Variants in AGBL4 observed in about 807,000 individuals in gnomAD.
The protein encoded by AGBL4 is cytosolic carboxypeptidase 6.
A neutral mutation model predicts 66.4 loss-of-function variants in AGBL4; 58 were observed. The ratio of observed to expected loss-of-function variants is 0.87; its 90% CI spans 0.71 to 1.09. The LOEUF (loss-of-function observed/expected upper bound fraction) is 1.09, where lower values mean the gene tolerates loss of function less well. Among genes scored for constraint, AGBL4 ranks in the 50% least tolerant of loss-of-function variants. The probability of loss-of-function intolerance (pLI) is 0.00; values close to 1 mark genes in which losing one functional copy is unlikely to be tolerated. For synonymous variants in AGBL4, 234 were observed against 222.9 expected, an observed-to-expected ratio of 1.05 and a Z score of -0.44; for missense variants, 579 against 631.0, an observed-to-expected ratio of 0.92 and a Z score of 0.88.
intron 7 of AGBL4, among the ~76,000 whole-genome samples, chr1:48,656,248 C>T (rs1262251198): frequency 1.3e-5 from 2 of 152,246 alleles, no homozygotes; most frequent in African/African-American, 2.4e-5. Flanking sequence ...TCTAGCCAAA[C>T]CTCAACTGAG....
At chr1:48,844,277 A>G (rs1265557595) in intron 6 of AGBL4, among the ~76,000 whole-genome samples, 1 of 152,162 alleles carries the variant, frequency 6.6e-6, no homozygotes, top group Non-Finnish European at 1.5e-5. Flanking sequence ...TTTAAAAGCT[A>G]TCCCTCAGTC....
intron 1 of AGBL4, among the ~76,000 whole-genome samples, chr1:50,020,418 G>C (rs1376462433): frequency 6.6e-6 from 1 of 152,034 alleles, no homozygotes; most frequent in Non-Finnish European, 1.5e-5. Flanking sequence ...TTTTACAAAT[G>C]AGGAAACTGA....
chr1:49,935,697 G>A (rs192529999), intron 1 of AGBL4, among the ~76,000 whole-genome samples: 15 of 152,180 alleles, frequency 9.9e-5, no homozygotes, highest in African/African-American at 2.4e-4. Flanking sequence ...GCTGTTCTAC[G>A]GCCACCGCTG....
At chr1:48,805,690 C>A in intron 6 of AGBL4, among the ~76,000 whole-genome samples, 1 of 152,250 alleles carries the variant, frequency 6.6e-6, no homozygotes, top group East Asian at 1.9e-4. Context: ...CCACAACGAA[C>A]CTCAGTTGCT....
chr1:49,001,981 T>C (rs1258845404), intron 5 of AGBL4, among the ~76,000 whole-genome samples: 2 of 152,168 alleles, frequency 1.3e-5, no homozygotes, highest in East Asian at 1.9e-4. Context: ...CACTATAGGG[T>C]TGTGGTAAAT....
intron 2 of AGBL4, among the ~76,000 whole-genome samples, chr1:49,783,776 T>C (rs1557442577): frequency 6.6e-6 from 1 of 152,028 alleles, no homozygotes; most frequent in South Asian, 2.1e-4. Context: ...ATAAAAAAAG[T>C]ATTTGAGCTA....
intron 9 of AGBL4, among the ~76,000 whole-genome samples, chr1:48,612,864 T>C (rs1267447964): frequency 1.3e-5 from 2 of 152,218 alleles, no homozygotes; most frequent in African/African-American, 4.8e-5. Context: ...CCAGGCACGA[T>C]GGCTCACGCC....
intron 3 of AGBL4, among the ~76,000 whole-genome samples, chr1:49,575,351 T>C (rs1354710180): frequency 6.6e-6 from 1 of 152,154 alleles, no homozygotes; most frequent in Non-Finnish European, 1.5e-5. Flanking sequence ...ATAGACATAC[T>C]TAGCAGCAGG....
intron 4 of AGBL4, among the ~76,000 whole-genome samples, chr1:49,190,593 G>A (rs1424135039): frequency 6.6e-6 from 1 of 151,976 alleles, no homozygotes; most frequent in African/African-American, 2.4e-5. Flanking sequence ...CCTTCACCAT[G>A]GTGGGTAATT....
chr1:49,084,249 G>C (rs1329799687), intron 4 of AGBL4, among the ~76,000 whole-genome samples: 4 of 152,126 alleles, frequency 2.6e-5, no homozygotes, highest in Non-Finnish European at 5.9e-5. Flanking sequence ...CAGTTCCAAA[G>C]TCACTTCCAC....
intron 3 of AGBL4, among the ~76,000 whole-genome samples, chr1:49,366,434 A>T (rs1644242871): frequency 6.6e-6 from 1 of 152,234 alleles, no homozygotes; most frequent in Non-Finnish European, 1.5e-5. Context: ...ATTTTGGCAG[A>T]TCAAGTAATA....
chr1:48,927,400 T>TGG (rs1449332339), intron 5 of AGBL4, among the ~76,000 whole-genome samples: 1 of 152,110 alleles, frequency 6.6e-6, no homozygotes, highest in Non-Finnish European at 1.5e-5. Flanking sequence ...GAGAAGAACA[T>TGG]GGGGAAGACC....
At chr1:49,525,117 CA>C (rs1357261512) in intron 3 of AGBL4, among the ~76,000 whole-genome samples, 2 of 151,832 alleles carry the variant, frequency 1.3e-5, no homozygotes, top group African/African-American at 4.8e-5. Flanking sequence ...TACTGAATGC[CA>C]ACTATGTGCC....
At chr1:49,786,870 A>T (rs533096787) in intron 2 of AGBL4, among the ~76,000 whole-genome samples, 45 of 152,280 alleles carry the variant, frequency 3.0e-4, no homozygotes, top group African/African-American at 1.1e-3. Context: ...TGCACTTTCT[A>T]CTTTCTACAT....
intron 2 of AGBL4, chr1:49,841,827 C>T (rs1040406025): frequency 9.7e-5 from 39 of 403,980 alleles, no homozygotes; most frequent in South Asian, 3.8e-4. Context: ...CCACCGGCAC[C>T]ACGGCCTTTG....
At chr1:49,843,892 T>C (rs1351381986) in intron 2 of AGBL4, among the ~76,000 whole-genome samples, 2 of 152,140 alleles carry the variant, frequency 1.3e-5, no homozygotes, top group Admixed American at 1.3e-4. Context: ...TGTGCAGAGA[T>C]GGCTGGGTAG....
intron 5 of AGBL4, among the ~76,000 whole-genome samples, chr1:48,985,228 G>A (rs559996700): frequency 6.6e-6 from 1 of 152,252 alleles, no homozygotes; most frequent in East Asian, 1.9e-4. Flanking sequence ...AGGGCACAGG[G>A]AGGGAAACCA....
intron 3 of AGBL4, among the ~76,000 whole-genome samples, chr1:49,483,897 C>T (rs540928206): frequency 1.3e-5 from 2 of 151,904 alleles, no homozygotes; most frequent in Middle Eastern, 3.4e-3. Context: ...GCTCAAACAA[C>T]TATATAGGAA....
intron 5 of AGBL4, among the ~76,000 whole-genome samples, chr1:48,891,999 G>A (rs1651018637): frequency 7.4e-6 from 1 of 135,096 alleles, no homozygotes; most frequent in South Asian, 2.3e-4. Flanking sequence ...TACAAACTAG[G>A]TGACTTAAAA....
Sources: gnomAD v4.1 joint callset for allele counts (sites outside exome capture counted in the v4.1 genomes callset) on GRCh38, gnomAD v4.1.1 for gene constraint, MANE v1.5 for transcripts, NCBI Gene and HGNC (gene_info 2026-07-23, HGNC 2026-07-21) for gene names.